The following GRID1 variants were observed in gnomAD, a reference collection of about 807,000 sequenced individuals.
The protein encoded by GRID1 is glutamate ionotropic receptor delta type subunit 1, also known as glutamate receptor ionotropic, delta-1.
In GRID1, 28 loss-of-function variants were observed where a neutral mutation model predicts 98.0. The observed-to-expected ratio is 0.29, with a 90% CI of 0.21 to 0.39. The LOEUF (loss-of-function observed/expected upper bound fraction) is 0.39, where lower values mean the gene tolerates loss of function less well. Ranked by LOEUF, GRID1 falls within the 10% of genes least tolerant of loss-of-function variation. GRID1 has a pLI of 1.00. For synonymous variants in GRID1, 553 were observed against 538.5 expected, an observed-to-expected ratio of 1.03 and a Z score of -0.37; for missense variants, 1,111 against 1,340.5, an observed-to-expected ratio of 0.83 and a Z score of 2.67.
chr10:86,359,178 AAT>A (rs1447179156), intron 2 of GRID1, among the ~76,000 whole-genome samples: 2 of 152,212 alleles, frequency 1.3e-5, no homozygotes, highest in African/African-American at 4.8e-5. Flanking sequence ...AGAGGATGGG[AAT>A]AAGGGGTCTA....
intron 8 of GRID1, among the ~76,000 whole-genome samples, chr10:85,739,455 T>G (rs1432616649): frequency 6.6e-6 from 1 of 151,922 alleles, no homozygotes; most frequent in Non-Finnish European, 1.5e-5. Flanking sequence ...CATTGTGTCA[T>G]GCACCTGTAG....
At chr10:86,175,420 C>G (rs923220806) in intron 3 of GRID1, among the ~76,000 whole-genome samples, 10 of 152,090 alleles carry the variant, frequency 6.6e-5, no homozygotes, top group Non-Finnish European at 1.2e-4. Context: ...CTCTTGATAC[C>G]ATGATCCCTC....
intron 8 of GRID1, among the ~76,000 whole-genome samples, chr10:85,743,104 A>AG (rs1841960942): frequency 1.3e-5 from 1 of 75,994 alleles, no homozygotes. Context: ...AGAATTATGC[A>AG]GCCCCCCCCC....
chr10:85,928,028 A>G (rs1341616507), intron 4 of GRID1, among the ~76,000 whole-genome samples: 1 of 152,230 alleles, frequency 6.6e-6, no homozygotes, highest in African/African-American at 2.4e-5. Context: ...TGAGTAAGGT[A>G]CAAGGAGAAA....
intron 4 of GRID1, among the ~76,000 whole-genome samples, chr10:86,022,901 G>C (rs1843068222): frequency 6.7e-6 from 1 of 148,950 alleles, no homozygotes; most frequent in African/African-American, 2.5e-5. Flanking sequence ...CTGGGTGACA[G>C]AGCGAGACTC....
chr10:85,871,908 A>G (rs1843281817), intron 5 of GRID1, among the ~76,000 whole-genome samples: 1 of 152,236 alleles, frequency 6.6e-6, no homozygotes, highest in Non-Finnish European at 1.5e-5. Flanking sequence ...ATTTGGGTTT[A>G]AACTACTAAA....
At chr10:86,000,494 G>A (rs1035809883) in intron 4 of GRID1, among the ~76,000 whole-genome samples, 1 of 152,158 alleles carries the variant, frequency 6.6e-6, no homozygotes, top group Admixed American at 6.5e-5. Flanking sequence ...AAAATCAGTT[G>A]AAGAAATCAC....
intron 4 of GRID1, among the ~76,000 whole-genome samples, chr10:86,086,072 C>T (rs1844051466): frequency 6.6e-6 from 1 of 152,176 alleles, no homozygotes; most frequent in Non-Finnish European, 1.5e-5. Flanking sequence ...GTCCCCAGGG[C>T]TGACCTATGC....
At chr10:86,131,606 G>T (rs1010180111) in intron 4 of GRID1, among the ~76,000 whole-genome samples, 1 of 152,158 alleles carries the variant, frequency 6.6e-6, no homozygotes, top group African/African-American at 2.4e-5. Flanking sequence ...CCAAGAATGG[G>T]ATGGCATGAT....
chr10:85,857,571 G>A (rs762092254), intron 6 of GRID1, among the ~76,000 whole-genome samples: 6 of 152,144 alleles, frequency 3.9e-5, no homozygotes, highest in Admixed American at 1.3e-4. Context: ...AGGCGGTGAG[G>A]GCGAGGTAGC....
intron 4 of GRID1, among the ~76,000 whole-genome samples, chr10:86,007,443 A>G (rs1438308307): frequency 6.6e-6 from 1 of 152,152 alleles, no homozygotes; most frequent in Non-Finnish European, 1.5e-5. Flanking sequence ...ATGAGCCTCC[A>G]ACCCAACTGC....
intron 5 of GRID1, among the ~76,000 whole-genome samples, chr10:85,912,224 C>A (rs1032710993): frequency 6.6e-6 from 1 of 152,164 alleles, no homozygotes. Context: ...TCTTTTGAAT[C>A]CCCTACCCTC....
chr10:85,984,123 C>T (rs1307332413), intron 4 of GRID1, among the ~76,000 whole-genome samples: 1 of 152,074 alleles, frequency 6.6e-6, no homozygotes, highest in African/African-American at 2.4e-5. Flanking sequence ...CTCACCTCTC[C>T]CTGCACCACA....
chr10:85,856,215 C>T, intron 6 of GRID1, 25 bp from the exon 7 acceptor site: 1 of 1,610,170 alleles, frequency 6.2e-7, no homozygotes, highest in Non-Finnish European at 8.5e-7. Context: ...GCAGTGAAAC[C>T]CTTTCCACAG....
At chr10:86,231,602 T>C (rs991571258) in intron 2 of GRID1, among the ~76,000 whole-genome samples, 1 of 152,166 alleles carries the variant, frequency 6.6e-6, no homozygotes, top group African/African-American at 2.4e-5. Flanking sequence ...CGGGGTCATG[T>C]TATCTCTGTA....
At chr10:85,616,837 G>A (rs1312398293) in intron 14 of GRID1, among the ~76,000 whole-genome samples, 1 of 152,138 alleles carries the variant, frequency 6.6e-6, no homozygotes, top group African/African-American at 2.4e-5. Context: ...ATAATTGCAG[G>A]TGCTTTTTTT....
chr10:86,162,327 T>C (rs1259763653), intron 3 of GRID1, among the ~76,000 whole-genome samples: 1 of 151,880 alleles, frequency 6.6e-6, no homozygotes, highest in Non-Finnish European at 1.5e-5. Context: ...CATTACCGTG[T>C]CCCTGCTGAG....
chr10:85,778,780 G>A (rs1164495461), intron 8 of GRID1, among the ~76,000 whole-genome samples: 1 of 152,140 alleles, frequency 6.6e-6, no homozygotes, highest in African/African-American at 2.4e-5. Flanking sequence ...ACCCAGCCTG[G>A]AGGCAGATAG....
chr10:86,050,247 T>TTC (rs1843482639), intron 4 of GRID1, among the ~76,000 whole-genome samples: 1 of 152,240 alleles, frequency 6.6e-6, no homozygotes, highest in Admixed American at 6.5e-5. Context: ...GGCACACAAT[T>TTC]TCTCTATTGG....
Sources: gnomAD v4.1 joint callset for allele counts (sites outside exome capture counted in the v4.1 genomes callset) on GRCh38, gnomAD v4.1.1 for gene constraint, MANE v1.5 for transcripts, NCBI Gene and HGNC (gene_info 2026-07-23, HGNC 2026-07-21) for gene names.